NUP155: variants seen among roughly 807,000 people sequenced by gnomAD.
The protein encoded by NUP155 is nucleoporin 155, also known as nuclear pore complex protein Nup155.
In NUP155, 71 loss-of-function variants were observed where a neutral mutation model predicts 180.4. That is an observed-to-expected ratio of 0.39 (90% CI 0.33 to 0.48). The LOEUF is 0.48. Among genes scored for constraint, NUP155 ranks in the 20% least tolerant of loss-of-function variants. The probability of loss-of-function intolerance (pLI) is 0.91; values close to 1 mark genes in which losing one functional copy is unlikely to be tolerated. For missense variants in NUP155, 1,553 were observed against 1,648.9 expected, an observed-to-expected ratio of 0.94 and a Z score of 1.01; for synonymous variants, 582 against 559.5, an observed-to-expected ratio of 1.04 and a Z score of -0.57.
intron 1 of NUP155, among the ~76,000 whole-genome samples, chr5:37,367,179 G>A (rs1179982701): frequency 6.6e-6 from 1 of 151,894 alleles, no homozygotes; most frequent in Non-Finnish European, 1.5e-5. Flanking sequence ...TGAGTAGCTA[G>A]GACTACAGTG....
At chr5:37,294,644 G>C (rs1742424394) in intron 32 of NUP155, among the ~76,000 whole-genome samples, 179 bp from the exon 33 acceptor site, 1 of 151,862 alleles carries the variant, frequency 6.6e-6, no homozygotes, top group African/African-American at 2.4e-5. Context: ...CTATTCATAG[G>C]AGCAACTACA....
chr5:37,314,698 G>A (rs546495791), intron 21 of NUP155, among the ~76,000 whole-genome samples: 2 of 152,222 alleles, frequency 1.3e-5, no homozygotes, highest in Non-Finnish European at 2.9e-5. Flanking sequence ...TTAGCTGGTG[G>A]GGGGGATGGC....
Position 37,290,471 on chromosome 5 carries a change from C to G in NUP155, c.*1429G>C, listed in dbSNP as rs1317077086. The stretch of plus-strand genomic sequence containing the variant: ...CCAGGCTGGGCTACAGGGTGAGATT[C>G]TGTCTCCAAAAAAAAAAAAAAGAGA... On this transcript the variant is annotated 3_prime_UTR_variant, in exon 35 of 35. Coordinates refer to ENST00000231498, the MANE Select transcript of NUP155 (RefSeq NM_153485.3). The G allele has an allele frequency of 6.9e-6, 1 of 145,982 alleles. No homozygotes were observed. The highest frequency in any genetic ancestry group is 1.5e-5 in the Non-Finnish European group (1 of 67,422). The allele number at this position is 145,982 out of a possible 1,614,324, so 9.0% of individuals were successfully genotyped here.
intron 20 of NUP155, among the ~76,000 whole-genome samples, chr5:37,323,602 A>T (rs1744389787): frequency 6.7e-6 from 1 of 150,072 alleles, no homozygotes; most frequent in African/African-American, 2.4e-5. Context: ...TATTCCATTT[A>T]TATAACTATA....
intron 22 of NUP155, among the ~76,000 whole-genome samples, chr5:37,311,498 G>T (rs968916390): frequency 6.6e-6 from 1 of 151,962 alleles, no homozygotes; most frequent in African/African-American, 2.4e-5. Flanking sequence ...ATAAAAAACA[G>T]TATGTATTTA....
At chr5:37,341,301 G>A (rs530678587) in intron 10 of NUP155, 59 bp from the exon 11 acceptor site, 30 of 1,412,004 alleles carry the variant, frequency 2.1e-5, no homozygotes, top group African/African-American at 2.1e-4. Context: ...AGGTAAATGT[G>A]TTATTGAAGC....
intron 11 of NUP155, 88 bp downstream of exon 11, chr5:37,341,002 T>C (rs147626180): frequency 2.7e-6 from 3 of 1,103,212 alleles, no homozygotes; most frequent in East Asian, 2.6e-5. Context: ...ACTGTTGCCA[T>C]AGGGTATTTT....
chr5:37,338,884 G>A (rs895006230), intron 11 of NUP155, among the ~76,000 whole-genome samples: 1 of 151,634 alleles, frequency 6.6e-6, no homozygotes, highest in African/African-American at 2.4e-5. Flanking sequence ...TGCAGTCAAT[G>A]GGTTTATCAA....
chr5:37,363,796 T>C, intron 3 of NUP155, 92 bp downstream of exon 3: 3 of 859,646 alleles, frequency 3.5e-6, no homozygotes, highest in Non-Finnish European at 4.0e-6. Flanking sequence ...GAATGAAAGA[T>C]AAACCAAGCA....
chr5:37,351,695 T>C (rs1746470066), intron 5 of NUP155, among the ~76,000 whole-genome samples: 1 of 151,692 alleles, frequency 6.6e-6, no homozygotes, highest in South Asian at 2.1e-4. Context: ...GTGATCCGCC[T>C]GCCTCGGCCT....
In NUP155 at chr5:37,318,008, T is replaced by A. The variant is rs1358742807; in HGVS notation, c.2285A>T (p.Glu762Val). ...ENGNPQQMQQ[E>V]LQRKFHEAQL... ...TTTACCATGAAACTTCCTCTGCAGT[T>A]CCTGTTGCATTTGCTGGGGATTTCC... Residue 762 changes from glutamate (E) to valine (V), a missense_variant, in exon 21 of 35, where the codon GAA becomes GTA. By Grantham distance (121) the Glu-to-Val change is moderately radical. Transcript: ENST00000231498. 1.9e-6 allele frequency: 3 copies of A among 1,607,094 alleles called. No individual in the cohort carries two copies. In the Admixed American group the frequency reaches 5.0e-5, roughly 27 times the overall value.
chr5:37,294,852 G>A (rs1311134141), intron 32 of NUP155, among the ~76,000 whole-genome samples: 1 of 152,114 alleles, frequency 6.6e-6, no homozygotes, highest in Non-Finnish European at 1.5e-5. Context: ...GTGAAGGAAT[G>A]GGAAGTGACA....
intron 1 of NUP155, 104 bp from the exon 2 acceptor site, chr5:37,364,488 G>T: frequency 1.1e-6 from 1 of 948,134 alleles, no homozygotes; most frequent in Non-Finnish European, 1.7e-6. Context: ...GGTTCCAAAG[G>T]TACAGAGAGA....
intron 6 of NUP155, among the ~76,000 whole-genome samples, chr5:37,350,749 G>A (rs1042686308): frequency 2.0e-5 from 3 of 149,896 alleles, no homozygotes; most frequent in African/African-American, 7.4e-5. Context: ...GTTGCAGTGA[G>A]CTAAGATTCA....
chr5:37,330,205 G>T, intron 14 of NUP155, 73 bp from the exon 15 acceptor site: 1 of 1,027,868 alleles, frequency 9.7e-7, no homozygotes, highest in Non-Finnish European at 1.5e-6. Context: ...GCTAGATGCA[G>T]TATTAAAGTC....
At chr5:37,302,313 A>C (rs1037359821) in intron 29 of NUP155, among the ~76,000 whole-genome samples, 1 of 152,060 alleles carries the variant, frequency 6.6e-6, no homozygotes, top group East Asian at 1.9e-4. Flanking sequence ...GCTCACTGCA[A>C]CCTCCGCTTC....
intron 29 of NUP155, among the ~76,000 whole-genome samples, chr5:37,301,894 C>T (rs1240235917): frequency 6.6e-6 from 1 of 152,168 alleles, no homozygotes; most frequent in African/African-American, 2.4e-5. Flanking sequence ...CATGTCAGGG[C>T]TATAGTTTTT....
intron 1 of NUP155, among the ~76,000 whole-genome samples, chr5:37,366,051 T>C (rs1311137333): frequency 6.6e-6 from 1 of 151,874 alleles, no homozygotes; most frequent in Admixed American, 6.6e-5. Flanking sequence ...ATACAAATAA[T>C]ACCCCACAAG....
In NUP155 at chr5:37,341,202, T is replaced by C. The variant is rs1346160189; in HGVS notation, c.1134A>G (p.Pro378=). 3 of 1,613,966 alleles carry C rather than the reference T, an allele frequency of 1.9e-6. No homozygotes were observed. The highest frequency in any genetic ancestry group is 1.3e-5 in the African/African-American group (1 of 74,936). ...GCGTCAGTGTATTAGGCCGTGCTAA[T>C]GGCTGTCTGAATGGACAAGTGCTAA... ...LYFSTCPFRQ[P]LARPNTLTLV... Residue 378 remains proline, a synonymous_variant, in exon 11 of 35, where the codon CCA becomes CCG. Transcript: ENST00000231498.
Sources: gnomAD v4.1 joint callset for allele counts (sites outside exome capture counted in the v4.1 genomes callset) on GRCh38, gnomAD v4.1.1 for gene constraint, MANE v1.5 for transcripts, NCBI Gene and HGNC (gene_info 2026-07-23, HGNC 2026-07-21) for gene names.